Variants in AHCYL2 observed in about 807,000 individuals in gnomAD.
AHCYL2 encodes adenosylhomocysteinase like 2, also known as S-adenosylhomocysteine hydrolase-like protein 2.
A neutral mutation model predicts 81.4 loss-of-function variants in AHCYL2; 28 were observed. That is an observed-to-expected ratio of 0.34 (90% CI 0.25 to 0.47). AHCYL2 has a LOEUF of 0.47. Ranked by LOEUF, AHCYL2 falls within the 20% of genes least tolerant of loss-of-function variation. The pLI is 1.00. For missense variants in AHCYL2, 551 were observed against 785.1 expected (o/e 0.70, Z 3.56); for synonymous variants, 272 against 290.2 (o/e 0.94, Z 0.64).
intron 4 of AHCYL2, among the ~76,000 whole-genome samples, chr7:129,395,758 G>A (rs1481921676): frequency 2.0e-5 from 3 of 152,174 alleles, no homozygotes; most frequent in Non-Finnish European, 4.4e-5. Flanking sequence ...TTTGTTTTGA[G>A]CACTGGGTGG....
At chr7:129,240,255 G>A (rs1420424061) in intron 1 of AHCYL2, among the ~76,000 whole-genome samples, 1 of 151,158 alleles carries the variant, frequency 6.6e-6, no homozygotes, top group Non-Finnish European at 1.5e-5. Flanking sequence ...TCTCCACAGA[G>A]AGTCTTCTCC....
chr7:129,331,298 C>G (rs1798412559), intron 1 of AHCYL2, among the ~76,000 whole-genome samples: 1 of 151,952 alleles, frequency 6.6e-6, no homozygotes, highest in African/African-American at 2.4e-5. Flanking sequence ...ACGTAGAGTT[C>G]TACTTATAGG....
chr7:129,274,502 C>T (rs561570589), intron 1 of AHCYL2, among the ~76,000 whole-genome samples: 4 of 152,250 alleles, frequency 2.6e-5, no homozygotes, highest in South Asian at 2.1e-4. Context: ...CCAAAGTGGC[C>T]GCCACCAATT....
At chr7:129,272,112 C>T (rs1156428871) in intron 1 of AHCYL2, among the ~76,000 whole-genome samples, 1 of 152,166 alleles carries the variant, frequency 6.6e-6, no homozygotes, top group East Asian at 1.9e-4. Context: ...TGCTATGGAA[C>T]ATTTAGTCTT....
intron 1 of AHCYL2, among the ~76,000 whole-genome samples, chr7:129,329,461 C>T (rs1798342253): frequency 6.6e-6 from 1 of 151,940 alleles, no homozygotes; most frequent in South Asian, 2.1e-4. Flanking sequence ...GGATTACAGG[C>T]ATGAGCCATG....
chr7:129,250,486 C>T (rs966527588), intron 1 of AHCYL2, among the ~76,000 whole-genome samples: 5 of 152,120 alleles, frequency 3.3e-5, no homozygotes, highest in African/African-American at 1.2e-4. Context: ...TACAAATGAC[C>T]ATTTTACTTC....
intron 1 of AHCYL2, among the ~76,000 whole-genome samples, chr7:129,293,604 G>A (rs563130576): frequency 1.3e-5 from 2 of 151,664 alleles, no homozygotes; most frequent in Non-Finnish European, 2.9e-5. Flanking sequence ...TCCAGCCTGA[G>A]CAACAGAGTG....
chr7:129,301,199 A>G (rs1186684770), intron 1 of AHCYL2, among the ~76,000 whole-genome samples: 1 of 152,038 alleles, frequency 6.6e-6, no homozygotes, highest in Non-Finnish European at 1.5e-5. Flanking sequence ...CCATTTTTTA[A>G]TTGAATTATT....
At chr7:129,319,449 CAA>C (rs1034674188) in intron 1 of AHCYL2, among the ~76,000 whole-genome samples, 6 of 125,542 alleles carry the variant, frequency 4.8e-5, no homozygotes, top group Admixed American at 8.3e-5. Flanking sequence ...GACTCTGTCG[CAA>C]AAAAAAAAAA....
At chr7:129,328,738 G>A (rs888175225) in intron 1 of AHCYL2, among the ~76,000 whole-genome samples, 7 of 151,330 alleles carry the variant, frequency 4.6e-5, no homozygotes, top group Non-Finnish European at 8.9e-5. Flanking sequence ...CACCCGTCTC[G>A]GCCTCCCAAA....
intron 1 of AHCYL2, among the ~76,000 whole-genome samples, chr7:129,296,686 G>C (rs146571271): frequency 2.6e-5 from 4 of 152,272 alleles, no homozygotes; most frequent in African/African-American, 9.6e-5. Flanking sequence ...CTCTATCCTG[G>C]TTGACAGAGT....
chr7:129,226,511 G>A (rs561034037), intron 1 of AHCYL2, among the ~76,000 whole-genome samples: 17 of 152,238 alleles, frequency 1.1e-4, no homozygotes, highest in Middle Eastern at 3.4e-3. Flanking sequence ...GTTGTGAATG[G>A]TTTTTAATTG....
intron 1 of AHCYL2, among the ~76,000 whole-genome samples, chr7:129,367,643 TC>T (rs1482545091): frequency 6.6e-6 from 1 of 152,180 alleles, no homozygotes; most frequent in Non-Finnish European, 1.5e-5. Flanking sequence ...ACCCTGGCTG[TC>T]CTCTAAACCT....
intron 1 of AHCYL2, among the ~76,000 whole-genome samples, chr7:129,352,670 C>T (rs1480816172): frequency 6.6e-6 from 1 of 152,160 alleles, no homozygotes; most frequent in South Asian, 2.1e-4. Context: ...AAGATAACCT[C>T]AGATCTGCTT....
intron 1 of AHCYL2, among the ~76,000 whole-genome samples, chr7:129,229,124 A>G (rs937301595): frequency 4.7e-5 from 7 of 150,496 alleles, no homozygotes; most frequent in African/African-American, 9.9e-5. Flanking sequence ...CTGGAGTGCA[A>G]TGGTGCAATC....
intron 1 of AHCYL2, among the ~76,000 whole-genome samples, chr7:129,262,480 C>A (rs1487272938): frequency 1.3e-5 from 2 of 152,188 alleles, no homozygotes; most frequent in African/African-American, 2.4e-5. Context: ...ACATGAAAAG[C>A]CTCACTGCGC....
chr7:129,282,473 T>C lies in AHCYL2; in HGVS notation c.363+57034T>C, dbSNP rs1796479242. Reference sequence around the variant, plus strand: ...TGTCTTCTAGTTCACTCATCTCTTATGTTTTGTCTGATCTGCCATCAGTCT... The same window carrying C: ...TGTCTTCTAGTTCACTCATCTCTTACGTTTTGTCTGATCTGCCATCAGTCT... On this transcript the variant is annotated intron_variant, in intron 1 of 16. Transcript: ENST00000325006. Among the ~76,000 whole-genome samples the C allele has an allele frequency of 2.6e-5, 4 of 152,184 alleles. No individual in the cohort carries two copies. In the South Asian group the frequency reaches 8.3e-4, roughly 32 times the overall value.
In AHCYL2 at chr7:129,268,737, C is replaced by T. The variant is rs549123366; in HGVS notation, c.363+43298C>T. 3.3e-5 allele frequency among the ~76,000 whole-genome samples: 5 copies of T among 152,270 alleles called. No individual in the cohort carries two copies. The South Asian group carries it at 8.3e-4, about 25-fold the overall frequency. ...AACCAAAAGTAAGATTTGAAGGCTG[C>T]CTGGTGGGCTGAATTTCTCTTTTGG... On this transcript the variant is annotated intron_variant, in intron 1 of 16. Transcript: ENST00000325006.
intron 1 of AHCYL2, among the ~76,000 whole-genome samples, chr7:129,293,110 T>C (rs1287515129): frequency 6.6e-6 from 1 of 151,298 alleles, no homozygotes; most frequent in Non-Finnish European, 1.5e-5. Context: ...CCACTGTGCC[T>C]GGCTTTCTCA....
Sources: gnomAD v4.1 joint callset for allele counts (sites outside exome capture counted in the v4.1 genomes callset) on GRCh38, gnomAD v4.1.1 for gene constraint, MANE v1.5 for transcripts, NCBI Gene and HGNC (gene_info 2026-07-23, HGNC 2026-07-21) for gene names.